CDH13: variants seen among roughly 807,000 people sequenced by gnomAD.
CDH13 encodes the protein cadherin 13.
Under a neutral mutation model 63.8 loss-of-function variants are expected in CDH13, and 24 were observed. The ratio of observed to expected loss-of-function variants is 0.38; its 90% confidence interval spans 0.27 to 0.53. CDH13 has a LOEUF of 0.53. Ranked by LOEUF, CDH13 falls within the 20% of genes least tolerant of loss-of-function variation. CDH13 has a pLI of 0.85. For missense variants in CDH13, 1,049 were observed against 903.1 expected, an observed-to-expected ratio of 1.16 and a Z score of -2.07; for synonymous variants, 503 against 355.3, an observed-to-expected ratio of 1.42 and a Z score of -4.67.
intron 1 of CDH13, among the ~76,000 whole-genome samples, chr16:82,854,980 G>A (rs1467327275): frequency 6.6e-6 from 1 of 152,116 alleles, no homozygotes; most frequent in Admixed American, 6.5e-5. Context: ...TGAATGAGGA[G>A]TGAGTGAATG....
intron 1 of CDH13, among the ~76,000 whole-genome samples, chr16:82,841,546 A>G (rs1173251082): frequency 6.6e-6 from 1 of 152,214 alleles, no homozygotes; most frequent in African/African-American, 2.4e-5. Context: ...TATTTAAATA[A>G]CACACAGCCA....
chr16:83,348,306 C>T (rs1193587027), intron 6 of CDH13, among the ~76,000 whole-genome samples: 2 of 152,214 alleles, frequency 1.3e-5, no homozygotes, highest in Non-Finnish European at 2.9e-5. Flanking sequence ...GCAGTTCTAT[C>T]AGATGAACTG....
intron 1 of CDH13, among the ~76,000 whole-genome samples, chr16:82,809,567 C>G (rs2037337452): frequency 6.6e-6 from 1 of 152,100 alleles, no homozygotes; most frequent in South Asian, 2.1e-4. Flanking sequence ...TCTGAGTTTA[C>G]AGCCATTATA....
intron 2 of CDH13, among the ~76,000 whole-genome samples, chr16:82,864,308 A>G (rs1186627163): frequency 6.6e-6 from 1 of 152,222 alleles, no homozygotes; most frequent in Non-Finnish European, 1.5e-5. Flanking sequence ...TGTGACAATC[A>G]TATGCATGTT....
intron 5 of CDH13, among the ~76,000 whole-genome samples, chr16:83,330,066 A>G (rs755190522): frequency 9.2e-5 from 14 of 152,230 alleles, no homozygotes; most frequent in Non-Finnish European, 1.3e-4. Context: ...CAAATTAAAG[A>G]TTTAAAAGCA....
At chr16:82,882,157 C>G (rs1423165908) in intron 2 of CDH13, among the ~76,000 whole-genome samples, 2 of 152,132 alleles carry the variant, frequency 1.3e-5, no homozygotes, top group East Asian at 1.9e-4. Flanking sequence ...TCAATTCACA[C>G]TTGTCTTTTT....
intron 1 of CDH13, among the ~76,000 whole-genome samples, chr16:82,726,706 T>A (rs1567470868): frequency 1.3e-5 from 2 of 152,244 alleles, no homozygotes; most frequent in African/African-American, 4.8e-5. Flanking sequence ...TAGAGAAAAT[T>A]TGTAAGAGTT....
intron 4 of CDH13, among the ~76,000 whole-genome samples, chr16:83,143,477 C>G (rs914948496): frequency 6.6e-6 from 1 of 152,106 alleles, no homozygotes; most frequent in Admixed American, 6.6e-5. Context: ...AAAATAGTTT[C>G]TTGTAGATAA....
At chr16:83,574,682 C>T (rs918306163) in intron 7 of CDH13, among the ~76,000 whole-genome samples, 5 of 152,212 alleles carry the variant, frequency 3.3e-5, no homozygotes, top group Admixed American at 2.6e-4. Flanking sequence ...TCCTTCTCTT[C>T]CCCTCCCACT....
intron 2 of CDH13, among the ~76,000 whole-genome samples, chr16:82,916,345 G>A (rs2041988012): frequency 6.6e-6 from 1 of 152,190 alleles, no homozygotes; most frequent in South Asian, 2.1e-4. Flanking sequence ...GGAGGCCGAA[G>A]CGAGTGGATG....
chr16:83,013,264 A>C (rs1201313246), intron 2 of CDH13, among the ~76,000 whole-genome samples: 1 of 152,220 alleles, frequency 6.6e-6, no homozygotes, highest in Non-Finnish European at 1.5e-5. Context: ...AACTTTATTT[A>C]CAAAAACAGT....
At chr16:82,779,889 CCT>C (rs1366926594) in intron 1 of CDH13, among the ~76,000 whole-genome samples, 6 of 152,056 alleles carry the variant, frequency 3.9e-5, no homozygotes, top group Non-Finnish European at 7.4e-5. Context: ...TTTGACAACC[CCT>C]GAGAATCGAT....
chr16:83,473,500 G>A (rs971179730), intron 6 of CDH13, among the ~76,000 whole-genome samples: 1 of 152,144 alleles, frequency 6.6e-6, no homozygotes, highest in Non-Finnish European at 1.5e-5. Flanking sequence ...GATCATACCT[G>A]GAACTTCAGC....
In CDH13 at chr16:83,796,994, C is replaced by T. The variant is rs529113551; in HGVS notation, c.*1964C>T. 7.2e-5 allele frequency: 11 copies of T among 152,218 alleles called. No individual in the cohort carries two copies. Among genetic ancestry groups the T allele is most frequent in the Admixed American group, 1.3e-4 (2 of 15,276 alleles). 9.4% of individuals were successfully genotyped at this position (152,218 alleles called of 1,614,324 possible). On this transcript the variant is annotated 3_prime_UTR_variant, in exon 14 of 14. Coordinates refer to ENST00000567109, the MANE Select transcript of CDH13 (RefSeq NM_001257.5). ...TTGAACTTGATAGGGTCATTCTCCA[C>T]GAGCACATGCCCCCGACTCAGGGAC... is the stretch of plus-strand genomic sequence containing the variant.
At chr16:83,119,737 G>T (rs141708628) in intron 3 of CDH13, among the ~76,000 whole-genome samples, 1 of 152,082 alleles carries the variant, frequency 6.6e-6, no homozygotes, top group Admixed American at 6.6e-5. Context: ...CCCGAAGCAG[G>T]GTATATGGAT....
intron 1 of CDH13, among the ~76,000 whole-genome samples, chr16:82,778,060 C>A (rs995620037): frequency 3.3e-5 from 5 of 152,198 alleles, no homozygotes; most frequent in African/African-American, 1.2e-4. Flanking sequence ...GTCCACCCCA[C>A]CCTCAGTGGA....
chr16:82,826,469 T>C (rs918373135), intron 1 of CDH13: 5 of 152,214 alleles, frequency 3.3e-5, no homozygotes, highest in African/African-American at 1.2e-4. Context: ...ATGTTGGTAA[T>C]TTTAAATCGT....
intron 6 of CDH13, among the ~76,000 whole-genome samples, chr16:83,437,835 G>T (rs993835908): frequency 6.6e-6 from 1 of 152,158 alleles, no homozygotes; most frequent in Non-Finnish European, 1.5e-5. Flanking sequence ...AGAAATTAAT[G>T]TGGAATTCAA....
intron 6 of CDH13, among the ~76,000 whole-genome samples, chr16:83,365,382 C>T (rs1021187525): frequency 1.3e-4 from 20 of 152,154 alleles, no homozygotes; most frequent in African/African-American, 4.6e-4. Flanking sequence ...TTCCTTTTCT[C>T]AGTCTAATAA....
Sources: gnomAD v4.1 joint callset for allele counts (sites outside exome capture counted in the v4.1 genomes callset) on GRCh38, gnomAD v4.1.1 for gene constraint, MANE v1.5 for transcripts, NCBI Gene and HGNC (gene_info 2026-07-23, HGNC 2026-07-21) for gene names.